The following ARNT2 variants were observed in gnomAD, a reference collection of about 807,000 sequenced individuals.
The protein encoded by ARNT2 is aryl hydrocarbon receptor nuclear translocator 2, also known as ARNT protein 2.
Under a neutral mutation model 91.7 loss-of-function variants are expected in ARNT2, and 36 were observed. That is an observed-to-expected ratio of 0.39 (90% CI 0.30 to 0.52). The LOEUF is 0.52. ARNT2 is among the 20% of genes least tolerant of loss of function. The pLI is 0.72. For missense variants in ARNT2, 775 were observed against 939.3 expected (o/e 0.83, Z 2.29); for synonymous variants, 365 against 347.1 (o/e 1.05, Z -0.57).
intron 12 of ARNT2, among the ~76,000 whole-genome samples, chr15:80,565,117 G>A (rs977885161): frequency 2.6e-5 from 4 of 152,022 alleles, no homozygotes; most frequent in African/African-American, 9.7e-5. Context: ...CAGAGATGGG[G>A]TTTTGCCATG....
chr15:80,432,260 A>G (rs1214377610), intron 1 of ARNT2, among the ~76,000 whole-genome samples: 1 of 152,220 alleles, frequency 6.6e-6, no homozygotes, highest in Non-Finnish European at 1.5e-5. Context: ...GGTCAGCTGA[A>G]TTAGAGGTAG....
At chr15:80,489,879 T>C (rs115308995) in intron 5 of ARNT2, among the ~76,000 whole-genome samples, 1,716 of 152,172 alleles carry the variant, frequency 0.011, 31 homozygotes, top group African/African-American at 0.038. Context: ...CGCTGACCAG[T>C]TGGGTGATCT....
intron 8 of ARNT2, among the ~76,000 whole-genome samples, chr15:80,514,908 A>AC (rs1897409122): frequency 6.6e-6 from 1 of 152,140 alleles, no homozygotes; most frequent in Admixed American, 6.6e-5. Flanking sequence ...AAACAAACAA[A>AC]AAACAAAAAA....
At chr15:80,552,863 G>A in intron 10 of ARNT2, 89 bp downstream of exon 10, 1 of 1,490,854 alleles carries the variant, frequency 6.7e-7, no homozygotes, top group Non-Finnish European at 9.1e-7. Context: ...ACAACACAAT[G>A]GCCATGTGGA....
At chr15:80,568,370 A>G (rs959132954) in intron 12 of ARNT2, among the ~76,000 whole-genome samples, 2 of 152,162 alleles carry the variant, frequency 1.3e-5, no homozygotes, top group Non-Finnish European at 2.9e-5. Context: ...TGTTCAGGCC[A>G]AGTCCTATTT....
intron 8 of ARNT2, among the ~76,000 whole-genome samples, chr15:80,524,804 GGCAGAGCTTGCAGTGA>G (rs1295200601): frequency 6.6e-6 from 1 of 151,790 alleles, no homozygotes; most frequent in Non-Finnish European, 1.5e-5. Flanking sequence ...GAACCTGGGA[GGCAGAGCTTGCAGTGA>G]GCAGAGATTG....
chr15:80,590,695 T>C (rs1239073314), intron 17 of ARNT2, among the ~76,000 whole-genome samples: 1 of 152,248 alleles, frequency 6.6e-6, no homozygotes, highest in Non-Finnish European at 1.5e-5. Flanking sequence ...TGAGCCATGA[T>C]TGCACCACTG....
intron 5 of ARNT2, among the ~76,000 whole-genome samples, chr15:80,478,833 T>A (rs1896845114): frequency 6.6e-6 from 1 of 152,344 alleles, no homozygotes; most frequent in African/African-American, 2.4e-5. Context: ...TTTAAAATTG[T>A]ATTAAAAGGC....
intron 11 of ARNT2, among the ~76,000 whole-genome samples, chr15:80,559,467 C>A (rs2141463600): frequency 6.6e-6 from 1 of 152,260 alleles, no homozygotes; most frequent in East Asian, 1.9e-4. Context: ...AGGTGGGGGT[C>A]AAATGTTGAT....
At chr15:80,415,813 T>C (rs1284848041) in intron 1 of ARNT2, among the ~76,000 whole-genome samples, 1 of 152,172 alleles carries the variant, frequency 6.6e-6, no homozygotes, top group Non-Finnish European at 1.5e-5. Flanking sequence ...TATCCCCAGC[T>C]AGAAAATACT....
chr15:80,574,341 A>C, intron 13 of ARNT2, 121 bp downstream of exon 13: 5 of 943,090 alleles, frequency 5.3e-6, no homozygotes, highest in East Asian at 2.5e-5. Flanking sequence ...CCCCACTACA[A>C]TGGAAAGAGC....
rs567032933 is a variant in ARNT2, at chr15:80,451,746, C to A, written c.146+752C>A. Among the ~76,000 whole-genome samples, 3 of 152,196 alleles carry A rather than the reference C, an allele frequency of 2.0e-5. No individual in the cohort carries two copies. The South Asian group carries it at 6.2e-4, about 32-fold the overall frequency. ...CCAACCAACCAACCAACCAATCAACCAACCAACCAACTACCCCCCAACCAT... is the reference window on the plus strand; with the variant it reads ...CCAACCAACCAACCAACCAATCAACAAACCAACCAACTACCCCCCAACCAT... On this transcript the variant is annotated intron_variant, in intron 2 of 18. Transcript: ENST00000303329.
intron 4 of ARNT2, among the ~76,000 whole-genome samples, chr15:80,474,174 A>G (rs1163225203): frequency 2.6e-5 from 4 of 152,188 alleles, no homozygotes; most frequent in African/African-American, 7.2e-5. Context: ...TTGTTTTAAC[A>G]AAGTTAATTT....
At chr15:80,422,099 T>C (rs1215220099) in intron 1 of ARNT2, among the ~76,000 whole-genome samples, 3 of 152,150 alleles carry the variant, frequency 2.0e-5, no homozygotes, top group Non-Finnish European at 4.4e-5. Flanking sequence ...CTCCTTCTTA[T>C]GTAAGTTAGA....
At chr15:80,529,941 G>A (rs1379301825) in intron 8 of ARNT2, among the ~76,000 whole-genome samples, 2 of 152,134 alleles carry the variant, frequency 1.3e-5, no homozygotes, top group African/African-American at 2.4e-5. Flanking sequence ...TGTGCCTTGC[G>A]CATAAATATT....
chr15:80,552,711 C>G lies in ARNT2; in HGVS notation c.1026C>G (p.Asn342Lys). The change falls in exon 10 of 19, where the codon AAC (asparagine) becomes AAG (lysine). Residue 342 changes from asparagine to lysine, a missense_variant. Transcript: ENST00000303329. ...CCACAGAGTTCTTATCCCGGCATAA[C>G]TCCGATGGAATCATCACATTTGTGG... ...SVPTEFLSRH[N>K]SDGIITFVDP... The G allele has an allele frequency of 6.2e-7, 1 of 1,614,146 alleles. No homozygotes were observed. Among genetic ancestry groups the G allele is most frequent in the Non-Finnish European group, 8.5e-7 (1 of 1,179,994 alleles).
intron 8 of ARNT2, among the ~76,000 whole-genome samples, chr15:80,532,915 G>C (rs1792722180): frequency 6.6e-6 from 1 of 152,218 alleles, no homozygotes; most frequent in African/African-American, 2.4e-5. Context: ...TGAAAGTGGA[G>C]ATTGGGTAGA....
chr15:80,412,050 G>A (rs1318801213), intron 1 of ARNT2, among the ~76,000 whole-genome samples: 2 of 152,216 alleles, frequency 1.3e-5, no homozygotes, highest in Non-Finnish European at 2.9e-5. Context: ...ATTCAGGAAG[G>A]CAGCAACAAG....
chr15:80,477,239 TGGGAGAACA>T (rs1468195915), intron 5 of ARNT2, among the ~76,000 whole-genome samples: 2 of 152,178 alleles, frequency 1.3e-5, no homozygotes, highest in Non-Finnish European at 2.9e-5. Flanking sequence ...GTTTATACAA[TGGGAGAACA>T]GACTAATACA....
Sources: gnomAD v4.1 joint callset for allele counts (sites outside exome capture counted in the v4.1 genomes callset) on GRCh38, gnomAD v4.1.1 for gene constraint, MANE v1.5 for transcripts, NCBI Gene and HGNC (gene_info 2026-07-23, HGNC 2026-07-21) for gene names.